Variants in SNX29 observed in about 807,000 individuals in gnomAD.
The protein encoded by SNX29 is sorting nexin-29.
Under a neutral mutation model 102.1 loss-of-function variants are expected in SNX29, and 78 were observed. The ratio of observed to expected loss-of-function variants is 0.76; its 90% confidence interval spans 0.64 to 0.92. The LOEUF (loss-of-function observed/expected upper bound fraction) is 0.92, where lower values mean the gene tolerates loss of function less well. SNX29 is among the 40% of genes least tolerant of loss of function. The pLI is 0.00. For missense variants in SNX29, 1,280 were observed against 1,061.7 expected (o/e 1.21, Z -2.86); for synonymous variants, 580 against 414.5 (o/e 1.40, Z -4.85).
At chr16:12,390,271 G>T (rs1271969732) in intron 16 of SNX29, among the ~76,000 whole-genome samples, 1 of 152,056 alleles carries the variant, frequency 6.6e-6, no homozygotes, top group Non-Finnish European at 1.5e-5. Context: ...ACTGAAGTGT[G>T]AGCTGGACCA....
intron 13 of SNX29, among the ~76,000 whole-genome samples, chr16:12,185,165 T>C (rs1478847149): frequency 6.6e-6 from 1 of 152,110 alleles, no homozygotes; most frequent in Non-Finnish European, 1.5e-5. Context: ...TCGTATGCAG[T>C]AGGGGGTCTC....
intron 15 of SNX29, among the ~76,000 whole-genome samples, chr16:12,330,538 G>T (rs966683642): frequency 6.6e-6 from 1 of 152,200 alleles, no homozygotes; most frequent in Non-Finnish European, 1.5e-5. Context: ...CCTCCCGACA[G>T]CTCTGGACGA....
chr16:12,041,839 A>C (rs754803139), intron 4 of SNX29, among the ~76,000 whole-genome samples: 1 of 152,174 alleles, frequency 6.6e-6, no homozygotes, highest in Admixed American at 6.5e-5. Flanking sequence ...AGAATTCTGG[A>C]GCTTAGGACG....
chr16:12,360,747 ATTTC>A (rs2082277917), intron 16 of SNX29, among the ~76,000 whole-genome samples: 1 of 150,184 alleles, frequency 6.7e-6, no homozygotes, highest in East Asian at 2.0e-4. Context: ...GTTTTTGTGG[ATTTC>A]TTTAAGTAGG....
intron 13 of SNX29, among the ~76,000 whole-genome samples, chr16:12,175,915 G>C (rs1451558703): frequency 6.6e-6 from 1 of 152,112 alleles, no homozygotes; most frequent in Non-Finnish European, 1.5e-5. Flanking sequence ...CTGAGGCAGG[G>C]AGATTGCTTG....
intron 3 of SNX29, among the ~76,000 whole-genome samples, chr16:12,024,277 T>C (rs1379473091): frequency 1.3e-5 from 2 of 152,090 alleles, no homozygotes; most frequent in African/African-American, 4.8e-5. Context: ...TAGCTGGGAT[T>C]ATAAGCATGT....
At chr16:12,463,844 G>A (rs940978793) in intron 18 of SNX29, among the ~76,000 whole-genome samples, 5 of 150,420 alleles carry the variant, frequency 3.3e-5, no homozygotes, top group African/African-American at 9.8e-5. Context: ...GTGTGTGTGT[G>A]TGTGTGTGTG....
At chr16:12,076,529 T>C (rs1393448341) in intron 10 of SNX29, among the ~76,000 whole-genome samples, 1 of 152,182 alleles carries the variant, frequency 6.6e-6, no homozygotes, top group African/African-American at 2.4e-5. Flanking sequence ...CTCGACCTCC[T>C]GACCTCATGT....
At chr16:12,245,526 A>G (rs2142334126) in intron 14 of SNX29, among the ~76,000 whole-genome samples, 1 of 151,924 alleles carries the variant, frequency 6.6e-6, no homozygotes, top group Non-Finnish European at 1.5e-5. Flanking sequence ...TCTTCTAGTT[A>G]TATTTATGGG....
chr16:12,293,486 G>T (rs1427615827), intron 15 of SNX29, among the ~76,000 whole-genome samples: 1 of 152,176 alleles, frequency 6.6e-6, no homozygotes. Context: ...CATCGTTTCT[G>T]TTTCCTGACA....
intron 18 of SNX29, among the ~76,000 whole-genome samples, chr16:12,418,104 A>T (rs1418600978): frequency 6.6e-6 from 1 of 152,166 alleles, no homozygotes; most frequent in African/African-American, 2.4e-5. Flanking sequence ...CTTCCCTGAC[A>T]TGACTACCGA....
chr16:12,544,820 C>T (rs567100248), intron 20 of SNX29, among the ~76,000 whole-genome samples: 7 of 152,344 alleles, frequency 4.6e-5, no homozygotes, highest in South Asian at 2.1e-4. Flanking sequence ...TTGACCACTG[C>T]TTCAGCAAGA....
At chr16:12,017,450 T>A (rs949108597) in intron 3 of SNX29, among the ~76,000 whole-genome samples, 1 of 152,238 alleles carries the variant, frequency 6.6e-6, no homozygotes, top group Non-Finnish European at 1.5e-5. Flanking sequence ...ATATTAATTT[T>A]TTCAGCTATA....
intron 15 of SNX29, among the ~76,000 whole-genome samples, chr16:12,283,308 G>GT (rs1219377691): frequency 4.0e-5 from 6 of 150,526 alleles, no homozygotes; most frequent in African/African-American, 1.5e-4. Context: ...CCTAGATGGA[G>GT]TTGTTTTTTT....
At chr16:12,317,180 A>G (rs2080774618) in intron 15 of SNX29, among the ~76,000 whole-genome samples, 2 of 152,220 alleles carry the variant, frequency 1.3e-5, no homozygotes, top group South Asian at 2.1e-4. Flanking sequence ...CTTTAGGTTA[A>G]CAATCCATGG....
At chr16:12,457,819 A>G (rs1597447115) in intron 18 of SNX29, among the ~76,000 whole-genome samples, 1 of 152,248 alleles carries the variant, frequency 6.6e-6, no homozygotes, top group East Asian at 1.9e-4. Context: ...AGAAATGAGT[A>G]CATTGGGTAA....
chr16:12,037,945 A>G (rs957017930), intron 4 of SNX29, among the ~76,000 whole-genome samples: 1 of 151,314 alleles, frequency 6.6e-6, no homozygotes, highest in African/African-American at 2.4e-5. Context: ...ACAGAGTGAG[A>G]CCTTGTCCCC....
chr16:12,245,086 AC>A (rs2078222135), intron 14 of SNX29, among the ~76,000 whole-genome samples: 1 of 152,108 alleles, frequency 6.6e-6, no homozygotes, highest in South Asian at 2.1e-4. Flanking sequence ...CGCCCCCCTA[AC>A]AAAAATTACT....
chr16:12,371,825 C>T (rs1258056517), intron 16 of SNX29, among the ~76,000 whole-genome samples: 1 of 152,184 alleles, frequency 6.6e-6, no homozygotes, highest in Non-Finnish European at 1.5e-5. Flanking sequence ...GAAGCAGGAC[C>T]TGACTCTCGC....
Sources: gnomAD v4.1 joint callset for allele counts (sites outside exome capture counted in the v4.1 genomes callset) on GRCh38, gnomAD v4.1.1 for gene constraint, MANE v1.5 for transcripts, NCBI Gene and HGNC (gene_info 2026-07-23, HGNC 2026-07-21) for gene names.